The following PDE8B variants were observed in gnomAD, a reference collection of about 807,000 sequenced individuals.
PDE8B encodes high affinity cAMP-specific and IBMX-insensitive 3',5'-cyclic phosphodiesterase 8B.
In PDE8B, 26 loss-of-function variants were observed where a neutral mutation model predicts 101.3. The observed-to-expected ratio is 0.26, with a 90% CI of 0.19 to 0.36. The LOEUF (loss-of-function observed/expected upper bound fraction) is 0.36, where lower values mean the gene tolerates loss of function less well. Among genes scored for constraint, PDE8B ranks in the 10% least tolerant of loss-of-function variants. The probability of loss-of-function intolerance (pLI) is 1.00; values close to 1 mark genes in which losing one functional copy is unlikely to be tolerated. For synonymous variants in PDE8B, 424 were observed against 429.3 expected (o/e 0.99, Z 0.15); for missense variants, 810 against 1,163.1 (o/e 0.70, Z 4.42).
At chr5:77,169,010 A>G in the PDE8B span, among the ~76,000 whole-genome samples, 2 of 152,194 alleles carry the variant, frequency 1.3e-5, no homozygotes, top group African/African-American at 2.4e-5. Flanking sequence ...GAGTTAGTAA[A>G]ACCAACAGAG....
intron 10 of PDE8B, among the ~76,000 whole-genome samples, chr5:77,373,923 C>T (rs1249038926): frequency 3.9e-5 from 6 of 152,182 alleles, no homozygotes; most frequent in African/African-American, 1.4e-4. Context: ...CATCTCAGCT[C>T]ACTGCAACCT....
At chr5:77,278,829 C>A (rs145254491) in intron 1 of PDE8B, among the ~76,000 whole-genome samples, 206 of 152,244 alleles carry the variant, frequency 1.4e-3, no homozygotes, top group African/African-American at 4.2e-3. Flanking sequence ...AATAGTACAA[C>A]ATCAATTTTT....
At chr5:77,426,332 G>A (rs1339988875) in intron 21 of PDE8B, 113 bp from the exon 22 acceptor site, 2 of 733,218 alleles carry the variant, frequency 2.7e-6, no homozygotes, top group Non-Finnish European at 5.0e-6. Context: ...GCTTCGCCCA[G>A]GGTGTGCCTC....
At chr5:77,149,163 A>T in the PDE8B span, among the ~76,000 whole-genome samples, 1 of 152,306 alleles carries the variant, frequency 6.6e-6, no homozygotes, top group Non-Finnish European at 1.5e-5. Flanking sequence ...CTGTGTCAAA[A>T]ATCAATTGAC....
intron 10 of PDE8B, among the ~76,000 whole-genome samples, chr5:77,399,628 T>G (rs1476546997): frequency 1.3e-5 from 2 of 152,238 alleles, no homozygotes; most frequent in Non-Finnish European, 2.9e-5. Context: ...TTATTTCTAG[T>G]GCTAATGACT....
chr5:77,312,089 ATTTTCTTTTTT>A (rs1474703252), intron 2 of PDE8B, 36 bp downstream of exon 2: 18 of 1,235,234 alleles, frequency 1.5e-5, no homozygotes, highest in East Asian at 2.5e-5. Flanking sequence ...GACTCAGATT[ATTTTCTTTTTT>A]TTTTCTTTTT....
chr5:77,183,517 A>G, the PDE8B span, among the ~76,000 whole-genome samples: 6 of 152,190 alleles, frequency 3.9e-5, no homozygotes, highest in African/African-American at 1.4e-4. Context: ...AGCTGGGTGT[A>G]TTTACAATGA....
At chr5:77,248,144 A>G (rs995197849) in intron 1 of PDE8B, among the ~76,000 whole-genome samples, 1 of 152,238 alleles carries the variant, frequency 6.6e-6, no homozygotes, top group Non-Finnish European at 1.5e-5. Flanking sequence ...CTGAAACAGA[A>G]AAGTGTTCTA....
intron 1 of PDE8B, among the ~76,000 whole-genome samples, chr5:77,251,379 A>G (rs1457041445): frequency 2.6e-5 from 4 of 152,238 alleles, no homozygotes; most frequent in South Asian, 2.1e-4. Context: ...AAAAATGCCC[A>G]TCTTTGCCGC....
chr5:77,121,601 G>A, the PDE8B span, among the ~76,000 whole-genome samples: 7 of 150,748 alleles, frequency 4.6e-5, no homozygotes, highest in Admixed American at 6.6e-5. Flanking sequence ...TCCGCCTCCC[G>A]GGTTCAAGCA....
the PDE8B span, chr5:77,088,786 T>G: frequency 1.3e-5 from 2 of 152,038 alleles, no homozygotes; most frequent in Non-Finnish European, 2.9e-5. Flanking sequence ...TAGGGGGTCA[T>G]GGAGGGCCAA....
At chr5:77,202,638 T>G in the PDE8B span, among the ~76,000 whole-genome samples, 2 of 149,262 alleles carry the variant, frequency 1.3e-5, no homozygotes, top group Non-Finnish European at 3.0e-5. Context: ...TATTAGTAAT[T>G]TTTTTTTTTT....
intron 1 of PDE8B, among the ~76,000 whole-genome samples, chr5:77,302,527 G>A (rs2150047094): frequency 6.6e-6 from 1 of 152,304 alleles, no homozygotes. Context: ...GGTGCCTTGT[G>A]CCAAACGTTG....
chr5:77,411,420 C>T (rs1436702786), intron 14 of PDE8B, among the ~76,000 whole-genome samples: 2 of 152,144 alleles, frequency 1.3e-5, no homozygotes, highest in Non-Finnish European at 2.9e-5. Context: ...AGAGCCAACC[C>T]ACAGCTCACT....
At chr5:77,204,410 C>CAAAAAAAAA in the PDE8B span, among the ~76,000 whole-genome samples, 7 of 106,174 alleles carry the variant, frequency 6.6e-5, no homozygotes, top group African/African-American at 1.6e-4. Flanking sequence ...GACTCTGTCT[C>CAAAAAAAAA]AAAAAAAAAA....
At position 77,419,816 on chromosome 5, in the gene PDE8B, A is replaced by G. The variant is rs752303603; in HGVS notation, c.2179A>G (p.Thr727Ala). The G allele has an allele frequency of 1.9e-6, 3 of 1,613,974 alleles. No individual in the cohort carries two copies. In the Admixed American group the frequency reaches 5.0e-5, roughly 27 times the overall value. Residue 727 changes from threonine (T) to alanine (A), a missense_variant, in exon 19 of 22, where the codon ACA becomes GCA. Physicochemically the swap from Thr to Ala is moderately conservative, Grantham distance 58 (BLOSUM62 0). Transcript: ENST00000264917. ...GGCTATTATTGACATGGTTTTGGCA[A>G]CAGAGATGACAAAACACTTTGAACA... is the stretch of plus-strand genomic sequence containing the variant. ...RQAIIDMVLA[T>A]EMTKHFEHVN...
At chr5:77,403,967 C>T (rs1448125607) in intron 11 of PDE8B, among the ~76,000 whole-genome samples, 1 of 151,882 alleles carries the variant, frequency 6.6e-6, no homozygotes, top group Non-Finnish European at 1.5e-5. Context: ...TACAGGCATG[C>T]ACCACCATGC....
At chr5:77,350,021 G>A (rs887037693) in intron 8 of PDE8B, among the ~76,000 whole-genome samples, 1 of 152,120 alleles carries the variant, frequency 6.6e-6, no homozygotes, top group African/African-American at 2.4e-5. Flanking sequence ...AGCTGCACCT[G>A]TTCCTCCAGT....
chr5:77,277,142 C>A (rs887212892), intron 1 of PDE8B, among the ~76,000 whole-genome samples: 1 of 152,096 alleles, frequency 6.6e-6, no homozygotes, highest in African/African-American at 2.4e-5. Context: ...TGTGGTAGAA[C>A]GCAGAAGGAG....
Sources: gnomAD v4.1 joint callset for allele counts (sites outside exome capture counted in the v4.1 genomes callset) on GRCh38, gnomAD v4.1.1 for gene constraint, MANE v1.5 for transcripts, NCBI Gene and HGNC (gene_info 2026-07-23, HGNC 2026-07-21) for gene names.